ADPRHL1: variants seen among roughly 807,000 people sequenced by gnomAD.
The protein encoded by ADPRHL1 is ADP-ribosylhydrolase like 1, also known as inactive ADP-ribosyltransferase ARH2.
ADPRHL1 carries 43 observed loss-of-function variants against 44.1 expected under a neutral mutation model. The observed-to-expected ratio is 0.98, with a 90% CI of 0.76 to 1.26. ADPRHL1 has a LOEUF of 1.26. Ranked by LOEUF, ADPRHL1 falls within the 50% of genes most tolerant of loss-of-function variation. The pLI is 0.00. For missense variants in ADPRHL1, 2,022 were observed against 2,496.9 expected (o/e 0.81, Z 4.05); for synonymous variants, 878 against 1,017.4 (o/e 0.86, Z 2.61).
intron 7 of ADPRHL1, among the ~76,000 whole-genome samples, chr13:113,413,335 C>A (rs181784309): frequency 6.6e-6 from 1 of 152,186 alleles, no homozygotes; most frequent in Non-Finnish European, 1.5e-5. Flanking sequence ...CTTCACAACC[C>A]GGCTCAGATG....
At chr13:113,411,193 T>C (rs2043850237) in intron 7 of ADPRHL1, among the ~76,000 whole-genome samples, 1 of 152,142 alleles carries the variant, frequency 6.6e-6, no homozygotes, top group Non-Finnish European at 1.5e-5. Context: ...GAGCTGGAAT[T>C]AAACCAGCTC....
chr13:113,427,789 CG>C (rs1385393157), intron 4 of ADPRHL1, among the ~76,000 whole-genome samples: 1 of 152,216 alleles, frequency 6.6e-6, no homozygotes, highest in Non-Finnish European at 1.5e-5. Context: ...TGTGTGCGGA[CG>C]CTGACTTTCT....
At chr13:113,440,458 C>CTT (rs758896751) in intron 2 of ADPRHL1, among the ~76,000 whole-genome samples, 23 of 142,368 alleles carry the variant, frequency 1.6e-4, no homozygotes, top group East Asian at 1.0e-3. Flanking sequence ...ATTTTTCCAT[C>CTT]TTTTTTTTTT....
Position 113,404,554 on chromosome 13 carries a change from G to C in ADPRHL1, c.4728C>G (p.Ala1576=). ...GQAQEPAQGG[A]QGQVQGQAQK... ...GGGCCTGTCCCTGAACCTGTCCCTG[G>C]GCCCCACCCTGAGCTGGTTCCTGTG... Residue 1576 remains alanine (A), a synonymous_variant, in exon 8 of 8, where the codon GCC becomes GCG. Transcript: ENST00000612156. 7.7e-7 allele frequency: 1 copy of C among 1,293,006 alleles called. No individual in the cohort carries two copies. The highest frequency in any genetic ancestry group is 9.8e-7 in the Non-Finnish European group (1 of 1,025,010). 80.1% of individuals were successfully genotyped at this position (1,293,006 alleles called of 1,614,324 possible). A position where few individuals can be genotyped will look rare whatever the true frequency, so the allele number is the denominator to read the frequency against.
chr13:113,437,350 G>C (rs1487657384), intron 2 of ADPRHL1, among the ~76,000 whole-genome samples: 2 of 149,970 alleles, frequency 1.3e-5, no homozygotes, highest in Admixed American at 1.3e-4. Context: ...AGTGAACATA[G>C]GTGTACCCCA....
rs796325716 is a variant in ADPRHL1 at position 113,399,800 on chromosome 13, C to T, written c.*3578G>A. On this transcript the variant is annotated 3_prime_UTR_variant, in exon 8 of 8. Coordinates refer to ENST00000612156, the MANE Select transcript of ADPRHL1 (RefSeq NM_001394807.1). ...AAATAGCTGTAGCCTAATACACAAC[C>T]GAAAGACCGTAACTCCAACAGCAGA... is the stretch of plus-strand genomic sequence containing the variant. The T allele has an allele frequency of 4.6e-5, 7 of 151,994 alleles. No individual in the cohort carries two copies. The highest frequency in any genetic ancestry group is 1.9e-4 in the East Asian group (1 of 5,184). The allele number at this position is 151,994 out of a possible 1,614,324, so 9.4% of individuals were successfully genotyped here.
At position 113,422,917 on chromosome 13, in the gene ADPRHL1, GGTC is replaced by G. The variant is rs2043936783; in HGVS notation, c.967_969del (p.Asp323del). ...TCCTGGTACAAGCCTTTGGGAACGAGGTCCAGGCCGTACAGCAACCCGAACAGG... is the reference window on the plus strand; with the variant it reads ...TCCTGGTACAAGCCTTTGGGAACGAGCAGGCCGTACAGCAACCCGAACAGG... On this transcript the variant is annotated inframe_deletion, in exon 7 of 8. Transcript: ENST00000612156. The G allele has an allele frequency of 6.2e-7, 1 of 1,612,852 alleles. No homozygotes were observed. The highest frequency in any genetic ancestry group is 8.5e-7 in the Non-Finnish European group (1 of 1,180,008).
intron 7 of ADPRHL1, among the ~76,000 whole-genome samples, chr13:113,408,890 AGGG>A (rs2043829565): frequency 2.0e-5 from 2 of 102,454 alleles, no homozygotes; most frequent in South Asian, 5.9e-4. Context: ...TGCAGAGAGG[AGGG>A]AAAGATGGGG....
At chr13:113,452,745 T>A (rs1383671609) in intron 1 of ADPRHL1, among the ~76,000 whole-genome samples, 2 of 152,262 alleles carry the variant, frequency 1.3e-5, no homozygotes, top group Admixed American at 1.3e-4. Flanking sequence ...AATTTAGAAC[T>A]AATCCCCAAA....
At chr13:113,423,900 C>T (rs547463498) in intron 6 of ADPRHL1, among the ~76,000 whole-genome samples, 16 of 152,352 alleles carry the variant, frequency 1.1e-4, no homozygotes, top group Admixed American at 9.8e-4. Flanking sequence ...ACCCCTACAC[C>T]CCACCTATTC....
At chr13:113,443,477 G>C (rs2044113281) in intron 2 of ADPRHL1, among the ~76,000 whole-genome samples, 1 of 151,200 alleles carries the variant, frequency 6.6e-6, no homozygotes, top group Non-Finnish European at 1.5e-5. Flanking sequence ...ACATTAACTG[G>C]GTGTAGTGGA....
rs199689550 is a variant in ADPRHL1, at chr13:113,444,891, G to T, written c.215-302C>A. On this transcript the variant is annotated intron_variant, in intron 1 of 7. Transcript: ENST00000612156. The stretch of plus-strand genomic sequence containing the variant: ...GCCCACCTCAGCCTCCCAAAGTGCT[G>T]GGATTACAGGCGTGAGCCACTGCAC... 3.9e-5 allele frequency among the ~76,000 whole-genome samples: 6 copies of T among 152,290 alleles called. No individual in the cohort carries two copies. The East Asian group carries it at 1.2e-3, about 29-fold the overall frequency.
chr13:113,435,052 G>C (rs2044040201), intron 2 of ADPRHL1, among the ~76,000 whole-genome samples: 1 of 138,708 alleles, frequency 7.2e-6, no homozygotes, highest in African/African-American at 2.8e-5. Context: ...TGTACCCCAG[G>C]ACCCGGCACC....
intron 3 of ADPRHL1, among the ~76,000 whole-genome samples, chr13:113,431,999 T>G (rs1015156937): frequency 3.3e-5 from 5 of 152,224 alleles, no homozygotes; most frequent in African/African-American, 1.2e-4. Flanking sequence ...ATTACAGGCG[T>G]GAGCCACCGC....
At chr13:113,445,319 G>A (rs1325527834) in intron 1 of ADPRHL1, among the ~76,000 whole-genome samples, 1 of 152,270 alleles carries the variant, frequency 6.6e-6, no homozygotes, top group Non-Finnish European at 1.5e-5. Context: ...GCTGACAAAG[G>A]TGTTTGCCTG....
At chr13:113,426,565 C>A (rs143301329) in intron 4 of ADPRHL1, among the ~76,000 whole-genome samples, 1 of 152,232 alleles carries the variant, frequency 6.6e-6, no homozygotes, top group African/African-American at 2.4e-5. Context: ...GGACCAGGAC[C>A]TGGACGAGGC....
intron 4 of ADPRHL1, among the ~76,000 whole-genome samples, chr13:113,426,753 G>A (rs984197630): frequency 4.6e-5 from 7 of 152,244 alleles, no homozygotes; most frequent in South Asian, 2.1e-4. Context: ...CTGAAACTCC[G>A]GGTGGAGCGT....
intron 7 of ADPRHL1, chr13:113,421,866 T>C (rs1453937959): frequency 1.3e-5 from 2 of 152,226 alleles, no homozygotes; most frequent in Non-Finnish European, 2.9e-5. Flanking sequence ...GGATTCCAAC[T>C]CTGCCCAGAG....
At position 113,403,455 on chromosome 13, in the gene ADPRHL1, G is replaced by GGCCCA; in HGVS notation, c.5826_5827insTGGGC (p.Arg1943TrpfsTer15). 8.1e-7 allele frequency: 1 copy of GGCCCA among 1,232,090 alleles called. No homozygotes were observed. Among genetic ancestry groups the GGCCCA allele is most frequent in the Non-Finnish European group, 1.0e-6 (1 of 988,004 alleles). The allele number at this position is 1,232,090 out of a possible 1,614,324, so 76.3% of individuals were successfully genotyped here. A position where few individuals can be genotyped will look rare whatever the true frequency, so the allele number is the denominator to read the frequency against. ...GACAAATCGAAGGCCCTCTGGTCAC[G>GGCCCA]GAAGCTCTGGGCTTTGTACTTGGCC... is the stretch of plus-strand genomic sequence containing the variant. On this transcript the variant is annotated frameshift_variant, in exon 8 of 8. Transcript: ENST00000612156. LOFTEE classifies it low-confidence loss of function (END_TRUNC).
Sources: allele counts gnomAD v4.1 joint callset (sites outside exome capture counted in the v4.1 genomes callset), GRCh38; gene constraint gnomAD v4.1.1; transcripts MANE v1.5; gene names NCBI Gene and HGNC (gene_info 2026-07-23, HGNC 2026-07-21).